Variants in GLT1D1 observed in about 807,000 individuals in gnomAD.
GLT1D1 encodes glycosyltransferase 1 domain-containing protein 1.
Under a neutral mutation model 28.7 loss-of-function variants are expected in GLT1D1, and 21 were observed. The ratio of observed to expected loss-of-function variants is 0.73; its 90% CI spans 0.52 to 1.05. The LOEUF is 1.05. GLT1D1 is among the 50% of genes least tolerant of loss of function. The pLI is 0.00. For missense variants in GLT1D1, 343 were observed against 330.6 expected (o/e 1.04, Z -0.29); for synonymous variants, 147 against 124.8 (o/e 1.18, Z -1.19).
intron 7 of GLT1D1, among the ~76,000 whole-genome samples, chr12:128,975,118 G>A (rs925484871): frequency 1.3e-5 from 2 of 152,180 alleles, no homozygotes; most frequent in Admixed American, 6.5e-5. Context: ...CATGTCTGTG[G>A]GTGGCCTGTT....
At position 128,931,917 on chromosome 12, in the gene GLT1D1, GCA is replaced by G. The variant is rs372135029; in HGVS notation, c.376-13386_376-13385del. Among the ~76,000 whole-genome samples the G allele has an allele frequency of 1.7e-3, 235 of 140,948 alleles. 1 individual carries two copies. Among genetic ancestry groups the G allele is most frequent in the Admixed American group, 3.9e-3 (57 of 14,442 alleles). 92.5% of individuals were successfully genotyped at this position (140,948 alleles called of 152,430 possible). ...TGAGGATATGTGCACACACACGCAC[GCA>G]CACACACACACACACACACACAACG... On this transcript the variant is annotated intron_variant, in intron 4 of 7. Transcript: ENST00000281703.
intron 4 of GLT1D1, among the ~76,000 whole-genome samples, chr12:128,938,045 A>G (rs1300349297): frequency 6.6e-6 from 1 of 152,214 alleles, no homozygotes; most frequent in Admixed American, 6.5e-5. Flanking sequence ...CTGAGGAAAT[A>G]CTTTGGACAG....
At chr12:128,931,022 G>C (rs1219138281) in intron 4 of GLT1D1, among the ~76,000 whole-genome samples, 4 of 145,358 alleles carry the variant, frequency 2.8e-5, no homozygotes, top group African/African-American at 1.0e-4. Context: ...TTTAAAATGA[G>C]ACGGAGTCTT....
intron 6 of GLT1D1, among the ~76,000 whole-genome samples, chr12:128,952,534 T>C (rs1876814019): frequency 6.6e-6 from 1 of 150,450 alleles, no homozygotes. Flanking sequence ...ATAGCCGATC[T>C]CGGCTCACCC....
intron 6 of GLT1D1, among the ~76,000 whole-genome samples, chr12:128,955,389 C>T (rs1877168941): frequency 6.6e-6 from 1 of 152,200 alleles, no homozygotes; most frequent in Non-Finnish European, 1.5e-5. Context: ...GCTAATATTT[C>T]TCTCTGAAAC....
At chr12:128,876,339 C>T (rs1956870381) in intron 2 of GLT1D1, among the ~76,000 whole-genome samples, 1 of 152,144 alleles carries the variant, frequency 6.6e-6, no homozygotes, top group African/African-American at 2.4e-5. Flanking sequence ...CAGGGTCTCT[C>T]TGACTCTCAC....
intron 3 of GLT1D1, among the ~76,000 whole-genome samples, chr12:128,898,632 A>T (rs1869909802): frequency 6.6e-6 from 1 of 152,230 alleles, no homozygotes; most frequent in South Asian, 2.1e-4. Context: ...GGACGTTTTG[A>T]TAGTATTGGA....
intron 4 of GLT1D1, 49 bp from the exon 9 acceptor site, chr12:128,945,277 C>T (rs779665737): frequency 8.4e-5 from 134 of 1,594,614 alleles, no homozygotes; most frequent in South Asian, 2.2e-4. Context: ...CGGCTGGCAG[C>T]GCCACTAGCA....
intron 4 of GLT1D1, chr12:128,930,327 T>A (rs534364309): frequency 1.3e-5 from 2 of 152,350 alleles, no homozygotes; most frequent in African/African-American, 4.8e-5. Flanking sequence ...GCAACAACAG[T>A]ATCTAGAAGG....
At chr12:128,908,316 T>C (rs139328040) in intron 4 of GLT1D1, among the ~76,000 whole-genome samples, 21 of 149,916 alleles carry the variant, frequency 1.4e-4, no homozygotes, top group African/African-American at 5.1e-4. Context: ...TATTTTCTTT[T>C]ACTTTCCTTC....
chr12:128,953,200 A>C (rs1876910277), intron 6 of GLT1D1, among the ~76,000 whole-genome samples: 1 of 152,142 alleles, frequency 6.6e-6, no homozygotes, highest in Admixed American at 6.5e-5. Context: ...GAGTTGTAAG[A>C]GTTCTTTATA....
intron 6 of GLT1D1, among the ~76,000 whole-genome samples, chr12:128,954,941 G>A (rs761200992): frequency 6.6e-6 from 1 of 152,224 alleles, no homozygotes. Context: ...GCAACAGAGT[G>A]AGACCCTGTC....
At chr12:128,972,215 C>A (rs1219257031) in intron 7 of GLT1D1, among the ~76,000 whole-genome samples, 2 of 152,218 alleles carry the variant, frequency 1.3e-5, no homozygotes, top group African/African-American at 2.4e-5. Context: ...GACATTATTT[C>A]TCGCTCTTCT....
chr12:128,907,303 CTTTTT>C (rs11341281), intron 4 of GLT1D1, among the ~76,000 whole-genome samples: 62 of 115,742 alleles, frequency 5.4e-4, no homozygotes, highest in Middle Eastern at 4.7e-3. Context: ...GGAAGCTAAT[CTTTTT>C]TTTTTTTTTT....
Position 128,952,773 on chromosome 12 carries a change from C to CTTTTTTTTTT in GLT1D1, c.541-4756_541-4747dup, listed in dbSNP as rs71072430. Among the ~76,000 whole-genome samples, 9 of 58,936 alleles carry CTTTTTTTTTT rather than the reference C, an allele frequency of 1.5e-4. 1 individual carries two copies. Among genetic ancestry groups the CTTTTTTTTTT allele is most frequent in the African/African-American group, 4.7e-4 (6 of 12,730 alleles). The allele number at this position is 58,936 out of a possible 152,430, so 38.7% of individuals were successfully genotyped here. On this transcript the variant is annotated intron_variant, in intron 6 of 7. Transcript: ENST00000281703. ...TACAGGTGTGAGCCACCGTGACTGG[C>CTTTTTTTTTT]TTTTTTTTTTTTTTTTTTTTTTTTT...
chr12:128,942,846 G>A (rs575816053), intron 4 of GLT1D1, among the ~76,000 whole-genome samples: 156 of 151,678 alleles, frequency 1.0e-3, no homozygotes, highest in Non-Finnish European at 1.7e-3. Context: ...CACCTTCCGG[G>A]TTCAAGTGAT....
At chr12:128,862,700 T>A (rs1956411526) in intron 1 of GLT1D1, among the ~76,000 whole-genome samples, 2 of 152,088 alleles carry the variant, frequency 1.3e-5, no homozygotes, top group Non-Finnish European at 2.9e-5. Context: ...TTTGAGCGTC[T>A]CCCATGGGTA....
In GLT1D1 at chr12:128,899,288, G is replaced by C; in HGVS notation, c.375+1G>C. 6.2e-7 allele frequency: 1 copy of C among 1,612,452 alleles called. No homozygotes were observed. Among genetic ancestry groups the C allele is most frequent in the Non-Finnish European group, 8.5e-7 (1 of 1,178,628 alleles). ...GAAGGAAATGGCACAAGCGCAGTGG[G>C]TATGTGTTTATCTGGTGTTGTTATT... On this transcript the variant is annotated splice_donor_variant, in intron 4 of 7. Coordinates refer to ENST00000281703, the MANE Select transcript of GLT1D1 (RefSeq NM_144669.3). LOFTEE classifies it high-confidence loss of function.
At chr12:128,871,303 G>A (rs1956682501) in intron 1 of GLT1D1, among the ~76,000 whole-genome samples, 1 of 152,128 alleles carries the variant, frequency 6.6e-6, no homozygotes, top group Admixed American at 6.6e-5. Context: ...CTTGACTGCT[G>A]CAGGCATCTT....
Sources: gnomAD v4.1 joint callset for allele counts (sites outside exome capture counted in the v4.1 genomes callset) on GRCh38, gnomAD v4.1.1 for gene constraint, MANE v1.5 for transcripts, NCBI Gene and HGNC (gene_info 2026-07-23, HGNC 2026-07-21) for gene names.